The following LPA variants were observed in gnomAD, a reference collection of about 807,000 sequenced individuals.
LPA encodes the protein lipoprotein(a), also known as apolipoprotein(a).
A neutral mutation model predicts 197.9 loss-of-function variants in LPA; 199 were observed. That is an observed-to-expected ratio of 1.01 (90% confidence interval 0.90 to 1.13). LPA has a LOEUF of 1.13. Ranked by LOEUF, LPA falls within the 50% of genes most tolerant of loss-of-function variation. The probability of loss-of-function intolerance (pLI) is 0.00; values close to 1 mark genes in which losing one functional copy is unlikely to be tolerated. For missense variants in LPA, 1,853 were observed against 1,785.8 expected, an observed-to-expected ratio of 1.04 and a Z score of -0.68; for synonymous variants, 715 against 639.5, an observed-to-expected ratio of 1.12 and a Z score of -1.78.
intron 1 of LPA, among the ~76,000 whole-genome samples, chr6:160,652,090 G>C (rs1780017133): frequency 6.8e-6 from 1 of 146,140 alleles, no homozygotes; most frequent in Non-Finnish European, 1.5e-5. Flanking sequence ...AATACTTACA[G>C]TCCAAAAAGA....
intron 6 of LPA, among the ~76,000 whole-genome samples, chr6:160,635,840 T>TA (rs1779807591): frequency 1.1e-5 from 1 of 89,874 alleles, no homozygotes; most frequent in Non-Finnish European, 2.3e-5. Flanking sequence ...ATGTACTCAA[T>TA]ACGTAGTGAA....
intron 20 of LPA, among the ~76,000 whole-genome samples, chr6:160,596,719 C>A (rs1779140318): frequency 6.6e-6 from 1 of 152,190 alleles, no homozygotes; most frequent in African/African-American, 2.4e-5. Flanking sequence ...TGGACTGTCT[C>A]TGAAGGTACT....
chr6:160,573,229 A>T (rs756280964), intron 28 of LPA, among the ~76,000 whole-genome samples: 22 of 152,114 alleles, frequency 1.4e-4, no homozygotes, highest in Non-Finnish European at 2.8e-4. Flanking sequence ...TCTATTGCTG[A>T]GACTTTCCAG....
intron 31 of LPA, among the ~76,000 whole-genome samples, chr6:160,548,208 A>G (rs1260058387): frequency 2.0e-5 from 3 of 152,152 alleles, no homozygotes; most frequent in Non-Finnish European, 4.4e-5. Flanking sequence ...CCCATTTTAG[A>G]ATAAGGTGAG....
At chr6:160,557,999 A>G (rs1411017606) in intron 28 of LPA, among the ~76,000 whole-genome samples, 4 of 150,828 alleles carry the variant, frequency 2.7e-5, no homozygotes, top group Non-Finnish European at 5.9e-5. Flanking sequence ...GGCTCACTGC[A>G]AGGTCTGCCT....
At chr6:160,593,414 T>C (rs1467458459) in intron 22 of LPA, among the ~76,000 whole-genome samples, 1 of 152,210 alleles carries the variant, frequency 6.6e-6, no homozygotes, top group East Asian at 1.9e-4. Flanking sequence ...AGAATCTTTA[T>C]ACTTCCTGAC....
chr6:160,606,587 CTG>C lies in LPA; in HGVS notation c.2673_2674del (p.Ser892CysfsTer35), dbSNP rs1562342043. On this transcript the variant is annotated frameshift_variant, in exon 17 of 39. Coordinates refer to ENST00000316300, the MANE Select transcript of LPA (RefSeq NM_005577.4). LOFTEE classifies it high-confidence loss of function. ...CAGGTTGCAGTACTCCCACCTGACA[CTG>C]GGATCCCTCGTATAACAATAAGGGG... The C allele has an allele frequency of 1.2e-6, 2 of 1,613,982 alleles. No homozygotes were observed. The highest frequency in any genetic ancestry group is 2.2e-5 in the South Asian group (2 of 91,070).
intron 6 of LPA, among the ~76,000 whole-genome samples, chr6:160,637,720 CT>C (rs1273385381): frequency 7.2e-6 from 1 of 138,628 alleles, no homozygotes; most frequent in African/African-American, 2.6e-5. Flanking sequence ...CTATTCTGTA[CT>C]GTTAATTTCT....
At chr6:160,549,803 G>C (rs1328160359) in intron 30 of LPA, among the ~76,000 whole-genome samples, 1 of 152,192 alleles carries the variant, frequency 6.6e-6, no homozygotes, top group African/African-American at 2.4e-5. Context: ...GCCACTGCGG[G>C]ACTGACAGAA....
In LPA at chr6:160,535,457, T is replaced by A. The variant is rs576402742; in HGVS notation, c.5842+2398A>T. On this transcript the variant is annotated intron_variant, in intron 37 of 38. Coordinates refer to ENST00000316300, the MANE Select transcript of LPA (RefSeq NM_005577.4). ...GTAGTAGTGGTAGTGGTAGTAATGA[T>A]GATGATGGTGGTGGTGATGGTGATG... 2.7e-4 allele frequency among the ~76,000 whole-genome samples: 3 copies of A among 11,096 alleles called. No homozygotes were observed. In the Admixed American group the frequency reaches 3.5e-3, roughly 13 times the overall value. 7.3% of individuals were successfully genotyped at this position (11,096 alleles called of 152,430 possible). A position where few individuals can be genotyped will look rare whatever the true frequency, so the allele number is the denominator to read the frequency against.
rs1253466034 is a variant in LPA, at chr6:160,586,501, G to A, written c.4077C>T (p.Leu1359=). The change falls in exon 25 of 39, where the codon CTC becomes CTT. Residue 1359 remains leucine (L), a synonymous_variant. Coordinates refer to ENST00000316300, the MANE Select transcript of LPA (RefSeq NM_005577.4). ...GAACTGGGACCACCGTGGGAGTTGTGAGGAGAGTTGATTCCATCACTGGAC... is the reference window on the plus strand; with the variant it reads ...GAACTGGGACCACCGTGGGAGTTGTAAGGAGAGTTGATTCCATCACTGGAC... The part of the protein sequence containing the change: ...TQCPVMESTL[L]TTPTVVPVPS... The A allele has an allele frequency of 2.5e-6, 4 of 1,613,836 alleles. No individual in the cohort carries two copies. The highest frequency in any genetic ancestry group is 2.7e-5 in the African/African-American group (2 of 75,030).
Position 160,595,383 on chromosome 6 carries a change from T to C in LPA, c.3440A>G (p.Asp1147Gly), listed in dbSNP as rs950996309. 3.7e-6 allele frequency: 6 copies of C among 1,613,194 alleles called. No homozygotes were observed. Among genetic ancestry groups the C allele is most frequent in the Non-Finnish European group, 5.1e-6 (6 of 1,179,900 alleles). ...TTCAGAAGAAGCCTCTGTGCTTGGA[T>C]CTGGGACCACCGTGAGAGTTGCAAG... ...SVLATLTVVP[D>G]PSTEASSEEA... The change falls in exon 21 of 39, where the codon GAT becomes GGT. Residue 1147 changes from aspartate to glycine, a missense_variant. This residue lies in a region of LPA where 1,737 missense variants were observed against 1,504.4 expected (regional missense o/e 1.15). Transcript: ENST00000316300.
intron 32 of LPA, among the ~76,000 whole-genome samples, chr6:160,547,096 G>T (rs1338404400): frequency 2.0e-5 from 3 of 152,140 alleles, no homozygotes; most frequent in Non-Finnish European, 4.4e-5. Flanking sequence ...GATGACTCAA[G>T]TACCTTCCAT....
intron 28 of LPA, among the ~76,000 whole-genome samples, chr6:160,568,211 A>T (rs1437912501): frequency 6.6e-6 from 1 of 152,172 alleles, no homozygotes; most frequent in Non-Finnish European, 1.5e-5. Flanking sequence ...ACCAACATCC[A>T]TGATGAACAT....
At chr6:160,571,891 T>C (rs572358017) in intron 28 of LPA, among the ~76,000 whole-genome samples, 2 of 152,186 alleles carry the variant, frequency 1.3e-5, no homozygotes, top group Non-Finnish European at 2.9e-5. Flanking sequence ...AATGGTTCTG[T>C]CTTGCTGGCA....
intron 22 of LPA, 21 bp from the exon 23 acceptor site, chr6:160,591,122 C>G (rs1337772132): frequency 1.2e-6 from 2 of 1,612,746 alleles, no homozygotes; most frequent in East Asian, 4.5e-5. Context: ...CAAAACAATA[C>G]AGTTCACCAG....
intron 24 of LPA, among the ~76,000 whole-genome samples, chr6:160,588,774 T>C (rs1411209336): frequency 1.3e-5 from 2 of 152,150 alleles, no homozygotes; most frequent in Non-Finnish European, 2.9e-5. Context: ...TCCATCTGCT[T>C]GTCCTTCAAT....
intron 28 of LPA, among the ~76,000 whole-genome samples, chr6:160,575,748 A>G (rs1187437090): frequency 6.6e-6 from 1 of 152,142 alleles, no homozygotes; most frequent in African/African-American, 2.4e-5. Flanking sequence ...CATTGAACTC[A>G]TTGTTCCCTT....
At chr6:160,651,754 T>C (rs1780009199) in intron 1 of LPA, among the ~76,000 whole-genome samples, 1 of 152,176 alleles carries the variant, frequency 6.6e-6, no homozygotes, top group Non-Finnish European at 1.5e-5. Context: ...GTTTGTATGA[T>C]ACCTATGTTA....
Sources: allele counts gnomAD v4.1 joint callset (sites outside exome capture counted in the v4.1 genomes callset), GRCh38; gene constraint gnomAD v4.1.1; regional missense constraint gnomAD v4.1.1; transcripts MANE v1.5; gene names NCBI Gene and HGNC (gene_info 2026-07-23, HGNC 2026-07-21).